FRMPD2: variants seen among roughly 807,000 people sequenced by gnomAD.
FRMPD2 encodes the protein FERM and PDZ domain-containing protein 2.
Under a neutral mutation model 140.1 loss-of-function variants are expected in FRMPD2, and 96 were observed. That is an observed-to-expected ratio of 0.69 (90% CI 0.58 to 0.81). The LOEUF is 0.81. Among genes scored for constraint, FRMPD2 ranks in the 40% least tolerant of loss-of-function variants. The probability of loss-of-function intolerance (pLI) is 0.00; values close to 1 mark genes in which losing one functional copy is unlikely to be tolerated. For missense variants in FRMPD2, 1,240 were observed against 1,447.4 expected, an observed-to-expected ratio of 0.86 and a Z score of 2.32; for synonymous variants, 449 against 547.6, an observed-to-expected ratio of 0.82 and a Z score of 2.52.
intron 13 of FRMPD2, among the ~76,000 whole-genome samples, chr10:48,210,309 A>G (rs1263952084): frequency 6.6e-6 from 1 of 152,238 alleles, no homozygotes; most frequent in Admixed American, 6.5e-5. Context: ...TGAAACCGAT[A>G]AAGATTACAT....
At chr10:48,171,625 C>T (rs1388962388) in intron 25 of FRMPD2, among the ~76,000 whole-genome samples, 6,932 of 108,820 alleles carry the variant, frequency 0.064, no homozygotes, top group South Asian at 0.12. Context: ...ATTCTTCTTA[C>T]GAACTAAGCT....
intron 1 of FRMPD2, among the ~76,000 whole-genome samples, chr10:48,269,547 G>A (rs971917412): frequency 6.6e-6 from 1 of 152,198 alleles, no homozygotes; most frequent in Non-Finnish European, 1.5e-5. Context: ...CTCTCCTCCT[G>A]CAGTGATGAT....
intron 4 of FRMPD2, among the ~76,000 whole-genome samples, chr10:48,243,457 G>A (rs73294264): frequency 0.021 from 3,165 of 152,312 alleles, 108 homozygotes; most frequent in African/African-American, 0.068. Context: ...AAATAGCAAT[G>A]TGGGGTCCCT....
At chr10:48,226,997 G>C (rs1423973781) in intron 10 of FRMPD2, among the ~76,000 whole-genome samples, 2 of 152,160 alleles carry the variant, frequency 1.3e-5, no homozygotes, top group African/African-American at 4.8e-5. Flanking sequence ...CCAGCCTATG[G>C]ATGAGATGCT....
intron 28 of FRMPD2, among the ~76,000 whole-genome samples, chr10:48,159,960 G>A (rs1410578146): frequency 6.6e-6 from 1 of 151,386 alleles, no homozygotes; most frequent in Non-Finnish European, 1.5e-5. Context: ...ATACAGCATG[G>A]CCCATAAATG....
intron 12 of FRMPD2, among the ~76,000 whole-genome samples, chr10:48,213,729 G>T (rs7915014): frequency 0.081 from 12,257 of 152,198 alleles, 1,540 homozygotes; most frequent in African/African-American, 0.27. Flanking sequence ...GGTCTGTAAA[G>T]GCTACTTACT....
intron 9 of FRMPD2, among the ~76,000 whole-genome samples, chr10:48,235,234 G>T (rs1157882316): frequency 6.6e-6 from 1 of 152,184 alleles, no homozygotes; most frequent in East Asian, 1.9e-4. Flanking sequence ...TTGCATACCT[G>T]GGGTGTAAAA....
chr10:48,226,768 C>G (rs1839731795), intron 10 of FRMPD2, among the ~76,000 whole-genome samples: 1 of 152,236 alleles, frequency 6.6e-6, no homozygotes, highest in South Asian at 2.1e-4. Flanking sequence ...TTTTGTCCAA[C>G]CCAGTAACTA....
At chr10:48,164,494 T>G (rs1396502746) in intron 27 of FRMPD2, among the ~76,000 whole-genome samples, 1 of 148,914 alleles carries the variant, frequency 6.7e-6, no homozygotes, top group Non-Finnish European at 1.5e-5. Flanking sequence ...CCATACCTGA[T>G]GTAATAGAGC....
rs770535482 is a variant in FRMPD2, at chr10:48,184,836, C to G, written c.2405G>C (p.Gly802Ala). 3 of 1,613,778 alleles carry G rather than the reference C, an allele frequency of 1.9e-6. No individual in the cohort carries two copies. In the South Asian group the frequency reaches 3.3e-5, roughly 18 times the overall value. ...AGGTATAATAGAAGATATAAAAATG[C>G]CAGGGTCAGCTTGGCCTGAATACTC... ...EGEYSGQADP[G>A]IFISSIIPGG... The change falls in exon 19 of 29, where the codon GGC becomes GCC. Residue 802 changes from glycine (G) to alanine (A), a missense_variant. Transcript: ENST00000374201.
chr10:48,204,804 G>A (rs921355569), intron 14 of FRMPD2, among the ~76,000 whole-genome samples: 3 of 152,126 alleles, frequency 2.0e-5, no homozygotes, highest in African/African-American at 7.2e-5. Flanking sequence ...TTTCTCTTCA[G>A]AGATTTAACT....
chr10:48,186,265 C>A (rs531921632), intron 17 of FRMPD2, among the ~76,000 whole-genome samples: 11 of 152,360 alleles, frequency 7.2e-5, no homozygotes, highest in African/African-American at 2.6e-4. Context: ...CCCACCACTT[C>A]AGTCCTTCCA....
At chr10:48,229,032 A>G (rs887412253) in intron 10 of FRMPD2, among the ~76,000 whole-genome samples, 1 of 152,086 alleles carries the variant, frequency 6.6e-6, no homozygotes, top group Non-Finnish European at 1.5e-5. Flanking sequence ...CCTTAATATC[A>G]ATAGCATACT....
intron 1 of FRMPD2, 184 bp from the exon 2 acceptor site, chr10:48,251,875 G>T: frequency 1.7e-6 from 1 of 596,040 alleles, no homozygotes; most frequent in South Asian, 2.5e-5. Flanking sequence ...TTAAAGAAAT[G>T]TTAATTGGAG....
intron 3 of FRMPD2, among the ~76,000 whole-genome samples, chr10:48,246,582 T>G (rs1031135854): frequency 1.3e-4 from 20 of 152,208 alleles, no homozygotes; most frequent in African/African-American, 4.3e-4. Flanking sequence ...TGCCCACACC[T>G]TCCACCTGAC....
At chr10:48,165,376 G>A (rs1163374070) in intron 27 of FRMPD2, among the ~76,000 whole-genome samples, 197 of 118,302 alleles carry the variant, frequency 1.7e-3, no homozygotes, top group African/African-American at 6.2e-3. Context: ...TCCACCTCTC[G>A]CCACCCATTT....
chr10:48,188,461 G>T (rs1019853475), intron 16 of FRMPD2, among the ~76,000 whole-genome samples: 2 of 152,200 alleles, frequency 1.3e-5, no homozygotes, highest in African/African-American at 4.8e-5. Context: ...CTTGCAGCAC[G>T]ATCGACCCAC....
chr10:48,264,273 C>T (rs1265837676), intron 1 of FRMPD2, among the ~76,000 whole-genome samples: 1 of 151,592 alleles, frequency 6.6e-6, no homozygotes, highest in Non-Finnish European at 1.5e-5. Context: ...GAAGTCCTAG[C>T]TAATGTAATC....
intron 10 of FRMPD2, among the ~76,000 whole-genome samples, chr10:48,229,120 AAT>A (rs1839793943): frequency 6.6e-6 from 1 of 152,078 alleles, no homozygotes; most frequent in Non-Finnish European, 1.5e-5. Context: ...TGTTAATATT[AAT>A]ATGTTTTTCC....
Sources: gnomAD v4.1 joint callset for allele counts (sites outside exome capture counted in the v4.1 genomes callset) on GRCh38, gnomAD v4.1.1 for gene constraint, MANE v1.5 for transcripts, NCBI Gene and HGNC (gene_info 2026-07-23, HGNC 2026-07-21) for gene names.